Variants in PTPRZ1 observed in about 807,000 individuals in gnomAD.
PTPRZ1 encodes receptor-type tyrosine-protein phosphatase zeta.
A neutral mutation model predicts 214.1 loss-of-function variants in PTPRZ1; 82 were observed. The observed-to-expected ratio is 0.38, with a 90% CI of 0.32 to 0.46. PTPRZ1 has a LOEUF of 0.46. PTPRZ1 is among the 20% of genes least tolerant of loss of function. PTPRZ1 has a pLI of 1.00. For missense variants in PTPRZ1, 2,603 were observed against 2,748.7 expected (o/e 0.95, Z 1.19); for synonymous variants, 945 against 987.9 (o/e 0.96, Z 0.81).
chr7:121,963,782 G>C (rs1004034752), intron 2 of PTPRZ1, among the ~76,000 whole-genome samples: 1 of 151,918 alleles, frequency 6.6e-6, no homozygotes, highest in East Asian at 1.9e-4. Flanking sequence ...GATCACCATG[G>C]TTGCCCCATC....
chr7:121,897,545 G>A (rs1794824486), intron 1 of PTPRZ1, among the ~76,000 whole-genome samples: 1 of 152,156 alleles, frequency 6.6e-6, no homozygotes, highest in Non-Finnish European at 1.5e-5. Flanking sequence ...AATGCACGAT[G>A]CTATCTGGTT....
At chr7:121,911,024 A>G (rs1383551466) in intron 1 of PTPRZ1, among the ~76,000 whole-genome samples, 2 of 152,180 alleles carry the variant, frequency 1.3e-5, no homozygotes, top group Non-Finnish European at 2.9e-5. Context: ...AACTTAGCTA[A>G]TGACAACAAT....
At chr7:121,976,001 A>AT (rs1367334628) in intron 4 of PTPRZ1, among the ~76,000 whole-genome samples, 172 bp from the exon 5 acceptor site, 1 of 152,164 alleles carries the variant, frequency 6.6e-6, no homozygotes, top group African/African-American at 2.4e-5. Context: ...TTGGTTTTAG[A>AT]TATGTCTAAC....
At position 121,896,727 on chromosome 7, in the gene PTPRZ1, C is replaced by G. The variant is rs7778337; in HGVS notation, c.58+23170C>G. ...GGCGGAGCTTGCAATGAGCCAAGATCGCGCCACTGCACTCTAGCCTGGGTG... is the reference window on the plus strand; with the variant it reads ...GGCGGAGCTTGCAATGAGCCAAGATGGCGCCACTGCACTCTAGCCTGGGTG... On this transcript the variant is annotated intron_variant, in intron 1 of 29. Transcript: ENST00000393386. 5.5e-3 allele frequency among the ~76,000 whole-genome samples: 834 copies of G among 151,372 alleles called. 4 individuals are homozygous for G. The highest frequency in any genetic ancestry group is 0.019 in the African/African-American group (803 of 41,186).
intron 1 of PTPRZ1, chr7:121,909,013 T>G (rs1795196430): frequency 2.0e-6 from 1 of 507,650 alleles, no homozygotes; most frequent in Non-Finnish European, 3.9e-6. Context: ...ATTCGATGTA[T>G]TAGATATATG....
chr7:122,051,519 C>A lies in PTPRZ1; in HGVS notation c.6176C>A (p.Pro2059His). 6.2e-7 allele frequency: 1 copy of A among 1,611,540 alleles called. No individual in the cohort carries two copies. The highest frequency in any genetic ancestry group is 8.5e-7 in the Non-Finnish European group (1 of 1,178,586). Reference sequence around the variant, plus strand: ...AAGAATCGAACTTCTTCTATCATCCCTGGTAAGTTGTGTTGATCCTTGAAA... The same window carrying A: ...AAGAATCGAACTTCTTCTATCATCCATGGTAAGTTGTGTTGATCCTTGAAA... ...REKNRTSSII[P>H]VERSRVGISS... Residue 2059 changes from proline (P) to histidine (H), a missense_variant and splice_region_variant, in exon 24 of 30, where the codon CCT (proline) becomes CAT (histidine). By Grantham distance (77) the Pro-to-His change is moderately conservative. Around this residue, in one of 6 missense-constraint regions of PTPRZ1, gnomAD observed 134 missense variants for 183.3 expected, o/e 0.73. Coordinates refer to ENST00000393386, the MANE Select transcript of PTPRZ1 (RefSeq NM_002851.3).
intron 27 of PTPRZ1, 90 bp downstream of exon 27, chr7:122,055,177 A>G: frequency 9.0e-7 from 1 of 1,110,746 alleles, no homozygotes; most frequent in Non-Finnish European, 1.2e-6. Context: ...AATGAAAAGC[A>G]TGATTCTGAT....
At chr7:122,027,737 T>C (rs1174581123) in intron 13 of PTPRZ1, among the ~76,000 whole-genome samples, 2 of 152,190 alleles carry the variant, frequency 1.3e-5, no homozygotes, top group African/African-American at 4.8e-5. Flanking sequence ...TTGTCGATAG[T>C]TTGTGGTGTG....
At chr7:122,037,116 CA>C (rs1050232393) in intron 18 of PTPRZ1, among the ~76,000 whole-genome samples, 2 of 151,030 alleles carry the variant, frequency 1.3e-5, no homozygotes, top group African/African-American at 2.4e-5. Context: ...ACTAAAAATA[CA>C]AAAAAAAATT....
At chr7:122,005,656 A>G (rs1219376311) in intron 11 of PTPRZ1, among the ~76,000 whole-genome samples, 1 of 152,012 alleles carries the variant, frequency 6.6e-6, no homozygotes, top group South Asian at 2.1e-4. Context: ...ATATATGTAT[A>G]TATACACACA....
intron 2 of PTPRZ1, among the ~76,000 whole-genome samples, chr7:121,932,421 C>A (rs992274369): frequency 3.3e-5 from 5 of 152,088 alleles, no homozygotes; most frequent in African/African-American, 4.8e-5. Context: ...TTAGTCTTAT[C>A]ATTCTTAAAT....
intron 1 of PTPRZ1, among the ~76,000 whole-genome samples, chr7:121,913,479 A>G (rs1795335883): frequency 6.6e-6 from 1 of 152,248 alleles, no homozygotes; most frequent in African/African-American, 2.4e-5. Context: ...CTGTAGCACC[A>G]GCAAGGTGCA....
chr7:122,013,256 C>T lies in PTPRZ1; in HGVS notation c.4210C>T (p.His1404Tyr). The stretch of plus-strand genomic sequence containing the variant: ...TTCTAAGGCAACTTCTGAGCTGAGT[C>T]ATAGTGCCAAATCTGATGCCGGTTT... ...FPSKATSELS[H>Y]SAKSDAGLVG... is the part of the protein sequence containing the mutation. The change falls in exon 12 of 30, where the codon CAT (histidine) becomes TAT (tyrosine). Residue 1404 changes from histidine to tyrosine, a missense_variant. This residue lies in a region of PTPRZ1 where 1,913 missense variants were observed against 1,914.3 expected (regional missense o/e 1.00). Transcript: ENST00000393386. 1.2e-6 allele frequency: 2 copies of T among 1,614,096 alleles called. No individual in the cohort carries two copies. The highest frequency in any genetic ancestry group is 8.5e-7 in the Non-Finnish European group (1 of 1,180,016).
At chr7:122,057,702 A>G (rs184910864) in intron 27 of PTPRZ1, among the ~76,000 whole-genome samples, 32 of 133,614 alleles carry the variant, frequency 2.4e-4, no homozygotes, top group African/African-American at 8.5e-4. Flanking sequence ...TTTAATCTAT[A>G]TGAATGTATT....
chr7:122,005,551 C>T (rs1463999410), intron 11 of PTPRZ1, among the ~76,000 whole-genome samples: 1 of 151,802 alleles, frequency 6.6e-6, no homozygotes, highest in Admixed American at 6.6e-5. Flanking sequence ...CCAAAATGAC[C>T]AGTCTACTTT....
At chr7:121,904,684 A>G (rs955839237) in intron 1 of PTPRZ1, among the ~76,000 whole-genome samples, 5 of 152,152 alleles carry the variant, frequency 3.3e-5, no homozygotes, top group African/African-American at 1.2e-4. Context: ...TTATTTAGTA[A>G]GATTTGAAAG....
At chr7:121,981,667 G>T (rs945822401) in intron 6 of PTPRZ1, among the ~76,000 whole-genome samples, 2 of 152,180 alleles carry the variant, frequency 1.3e-5, no homozygotes, top group African/African-American at 4.8e-5. Context: ...TTGTTTCAGG[G>T]TTTGAAGGCC....
chr7:122,011,609 C>G lies in PTPRZ1; in HGVS notation c.2563C>G (p.Pro855Ala), dbSNP rs1031297533. The G allele has an allele frequency of 6.8e-6, 11 of 1,613,932 alleles. No individual in the cohort carries two copies. Among genetic ancestry groups the G allele is most frequent in the Admixed American group, 1.7e-5 (1 of 59,998 alleles). ...VTSATESDKV[P>A]LHASLPVAGG... ...TTCAGCTACCGAGAGTGATAAGGTG[C>G]CCTTGCATGCTTCTCTGCCAGTGGC... The change falls in exon 12 of 30, where the codon CCC becomes GCC. Residue 855 changes from proline to alanine, a missense_variant. Transcript: ENST00000393386.
intron 2 of PTPRZ1, among the ~76,000 whole-genome samples, chr7:121,939,230 CATA>C (rs1320443651): frequency 6.6e-6 from 1 of 152,140 alleles, no homozygotes; most frequent in African/African-American, 2.4e-5. Flanking sequence ...CAAGGCTTAG[CATA>C]TAAGAAGTAG....
Sources: gnomAD v4.1 joint callset for allele counts (sites outside exome capture counted in the v4.1 genomes callset) on GRCh38, gnomAD v4.1.1 for gene constraint, gnomAD v4.1.1 regional missense constraint, MANE v1.5 for transcripts, NCBI Gene and HGNC (gene_info 2026-07-23, HGNC 2026-07-21) for gene names.